The following INSL6 variants were observed in gnomAD, a reference collection of about 807,000 sequenced individuals.
The protein encoded by INSL6 is insulin-like peptide INSL6.
In INSL6, 16 loss-of-function variants were observed where a neutral mutation model predicts 9.4. The ratio of observed to expected loss-of-function variants is 1.70; its 90% confidence interval spans 1.15 to 2.59. The LOEUF (loss-of-function observed/expected upper bound fraction) is 2.59, where lower values mean the gene tolerates loss of function less well. INSL6 is among the 30% of genes most tolerant of loss of function. The pLI is 0.00. For synonymous variants in INSL6, 154 were observed against 96.9 expected (o/e 1.59, Z -3.46); for missense variants, 391 against 257.3 (o/e 1.52, Z -3.56).
At chr9:5,168,394 A>G (rs950061992) in intron 1 of INSL6, among the ~76,000 whole-genome samples, 1 of 152,204 alleles carries the variant, frequency 6.6e-6, no homozygotes, top group Non-Finnish European at 1.5e-5. Flanking sequence ...AACCTGATGG[A>G]GCTGAAAAAC....
the INSL6 span, chr9:5,081,599 T>G: frequency 1.6e-6 from 1 of 635,690 alleles, no homozygotes; most frequent in South Asian, 2.2e-5. Flanking sequence ...TTGAAACTAT[T>G]TGAGTTTCCC....
chr9:4,992,196 G>A, the INSL6 span, among the ~76,000 whole-genome samples: 1 of 152,194 alleles, frequency 6.6e-6, no homozygotes, highest in African/African-American at 2.4e-5. Context: ...TCTTGACTGG[G>A]ATGTTAGCTG....
chr9:5,065,425 G>T, the INSL6 span, among the ~76,000 whole-genome samples: 1 of 152,126 alleles, frequency 6.6e-6, no homozygotes, highest in Non-Finnish European at 1.5e-5. Context: ...CTACTGAAAG[G>T]TTCAAACACA....
downstream of INSL6, among the ~76,000 whole-genome samples, chr9:5,120,223 T>C (rs1823510944): frequency 6.6e-6 from 1 of 152,146 alleles, no homozygotes; most frequent in African/African-American, 2.4e-5. Flanking sequence ...AGGGGCCAAA[T>C]GCTGCATGAA....
At chr9:5,151,152 T>C (rs1422827449) in intron 2 of INSL6, among the ~76,000 whole-genome samples, 1 of 152,156 alleles carries the variant, frequency 6.6e-6, no homozygotes, top group East Asian at 1.9e-4. Context: ...ATTCATGTGA[T>C]GGTGATACCA....
chr9:5,173,034 C>T (rs936771321), intron 1 of INSL6, among the ~76,000 whole-genome samples: 11 of 152,016 alleles, frequency 7.2e-5, no homozygotes, highest in African/African-American at 2.2e-4. Flanking sequence ...CATCAATGAT[C>T]ATTAGAGAAA....
At chr9:5,089,097 T>G in the INSL6 span, among the ~76,000 whole-genome samples, 1 of 152,252 alleles carries the variant, frequency 6.6e-6, no homozygotes, top group South Asian at 2.1e-4. Context: ...TGACAATTAA[T>G]GCTCATCATT....
chr9:5,010,008 A>G, the INSL6 span, among the ~76,000 whole-genome samples: 2 of 152,184 alleles, frequency 1.3e-5, no homozygotes, highest in African/African-American at 4.8e-5. Flanking sequence ...CCAGGCTCAA[A>G]CGATCCTCTC....
the INSL6 span, chr9:5,081,816 A>C: frequency 6.2e-7 from 1 of 1,613,798 alleles, no homozygotes; most frequent in Non-Finnish European, 8.5e-7. Context: ...GGGATCCTAC[A>C]CAGTTTGAAG....
rs577941638 is a variant in INSL6 at position 5,173,406 on chromosome 9, A to G, written c.290-9141T>C. On this transcript the variant is annotated intron_variant, in intron 1 of 1. Coordinates refer to ENST00000381641, the MANE Select transcript of INSL6 (RefSeq NM_007179.3). ...TGGATATAGAAAATGTGGCACATATACACCATGGAATACTATGTAGCCATA... is the reference window on the plus strand; with the variant it reads ...TGGATATAGAAAATGTGGCACATATGCACCATGGAATACTATGTAGCCATA... Among the ~76,000 whole-genome samples the G allele has an allele frequency of 1.1e-4, 16 of 152,362 alleles. 1 individual carries two copies. In the East Asian group the frequency reaches 3.1e-3, roughly 29 times the overall value.
chr9:5,125,153 C>A (rs1327561568), intron 3 of INSL6, among the ~76,000 whole-genome samples: 1 of 150,950 alleles, frequency 6.6e-6, no homozygotes, highest in Non-Finnish European at 1.5e-5. Context: ...GAGAAGACCA[C>A]CTCAATATTG....
At chr9:5,173,881 A>G (rs1825239948) in intron 1 of INSL6, among the ~76,000 whole-genome samples, 1 of 152,224 alleles carries the variant, frequency 6.6e-6, no homozygotes, top group South Asian at 2.1e-4. Flanking sequence ...ACCCATCCTC[A>G]ATCACAGCTG....
In INSL6 at chr9:5,185,566, C is replaced by G. The variant is rs771364584; in HGVS notation, c.37G>C (p.Gly13Arg). ...CGAGAAAACCGAACCAGCAGGAGTC[C>G]AAGCCACAGCAGGGACAAGCGGAGG... ...RLLRLSLLWL[G>R]LLLVRFSREL... The change falls in exon 1 of 2, where the codon GGA (glycine) becomes CGA (arginine). Residue 13 changes from glycine (G) to arginine (R), a missense_variant. Coordinates refer to ENST00000381641, the MANE Select transcript of INSL6 (RefSeq NM_007179.3). The G allele has an allele frequency of 6.2e-7, 1 of 1,613,166 alleles. No homozygotes were observed.
intron 2 of INSL6, among the ~76,000 whole-genome samples, chr9:5,136,607 G>A (rs1824391003): frequency 6.6e-6 from 1 of 152,176 alleles, no homozygotes; most frequent in Non-Finnish European, 1.5e-5. Flanking sequence ...ACTAGGTACT[G>A]ATGGAACATA....
the INSL6 span, chr9:5,110,763 C>G: frequency 4.1e-5 from 16 of 385,604 alleles, no homozygotes; most frequent in African/African-American, 3.1e-4. Context: ...TGCGGACTGG[C>G]CATGCAGGAG....
intron 2 of INSL6, among the ~76,000 whole-genome samples, chr9:5,153,607 C>T (rs552259750): frequency 6.6e-6 from 1 of 152,182 alleles, no homozygotes; most frequent in Non-Finnish European, 1.5e-5. Flanking sequence ...TCTCCTTAAG[C>T]TGTAAGCAAC....
chr9:5,021,426 C>G, the INSL6 span, among the ~76,000 whole-genome samples: 7 of 152,126 alleles, frequency 4.6e-5, no homozygotes, highest in African/African-American at 9.7e-5. Flanking sequence ...TCATCGTCCT[C>G]AATTAGGTTG....
the INSL6 span, among the ~76,000 whole-genome samples, chr9:5,106,598 C>T: frequency 6.6e-6 from 1 of 152,168 alleles, no homozygotes; most frequent in Non-Finnish European, 1.5e-5. Context: ...GACACATGCC[C>T]ATGTATGTTT....
chr9:5,155,782 T>G, intron 2 of INSL6, among the ~76,000 whole-genome samples: 2 of 145,066 alleles, frequency 1.4e-5, no homozygotes, highest in Non-Finnish European at 1.5e-5. Flanking sequence ...GGTGGGGGGA[T>G]AGGGGAGGGA....
Sources: gnomAD v4.1 joint callset for allele counts (sites outside exome capture counted in the v4.1 genomes callset) on GRCh38, gnomAD v4.1.1 for gene constraint, MANE v1.5 for transcripts, NCBI Gene and HGNC (gene_info 2026-07-23, HGNC 2026-07-21) for gene names.